Variants in RYR2 observed in about 807,000 individuals in gnomAD.
RYR2 encodes the protein cardiac muscle ryanodine receptor-calcium release channel.
RYR2 carries 227 observed loss-of-function variants against 601.1 expected under a neutral mutation model. That is an observed-to-expected ratio of 0.38 (90% CI 0.34 to 0.42). The LOEUF is 0.42. Among genes scored for constraint, RYR2 ranks in the 10% least tolerant of loss-of-function variants. The pLI, the probability that RYR2 is intolerant of heterozygous loss-of-function variation, is 1.00. For missense variants in RYR2, 4,646 were observed against 6,156.5 expected (o/e 0.75, Z 8.21); for synonymous variants, 2,223 against 2,175.1 (o/e 1.02, Z -0.61).
At chr1:237,178,038 C>G (rs1181046765) in intron 1 of RYR2, among the ~76,000 whole-genome samples, 4 of 152,138 alleles carry the variant, frequency 2.6e-5, no homozygotes, top group Admixed American at 2.0e-4. Flanking sequence ...TCTTTGCCAT[C>G]CTTGATATTG....
chr1:237,551,049 A>G (rs1380046449), intron 27 of RYR2, among the ~76,000 whole-genome samples: 1 of 152,176 alleles, frequency 6.6e-6, no homozygotes, highest in Non-Finnish European at 1.5e-5. Context: ...AGTGGAGGCT[A>G]GTGTTTTACA....
At chr1:237,671,962 G>A (rs549933840) in intron 58 of RYR2, among the ~76,000 whole-genome samples, 1 of 152,248 alleles carries the variant, frequency 6.6e-6, no homozygotes, top group Middle Eastern at 3.4e-3. Flanking sequence ...ATGGGTTCAT[G>A]AGTCCGTGCT....
At chr1:237,720,387 A>G (rs1363494040) in intron 73 of RYR2, among the ~76,000 whole-genome samples, 1 of 152,228 alleles carries the variant, frequency 6.6e-6, no homozygotes, top group African/African-American at 2.4e-5. Flanking sequence ...CCTTTACCAT[A>G]TTCACAATGC....
chr1:237,086,724 A>G (rs1371428449), intron 1 of RYR2, among the ~76,000 whole-genome samples: 1 of 152,108 alleles, frequency 6.6e-6, no homozygotes, highest in African/African-American at 2.4e-5. Context: ...GGACCATATC[A>G]CTTTACTTCG....
In RYR2 at chr1:237,833,160, A is replaced by G. The variant is rs1663993024; in HGVS notation, c.*513A>G. The stretch of plus-strand genomic sequence containing the variant: ...ATGCAGAAGATACGTGCATGAAAAA[A>G]CATCTTTATTTTCTTTATGTCGACC... On this transcript the variant is annotated 3_prime_UTR_variant, in exon 105 of 105. Transcript: ENST00000366574. 1 of 152,114 alleles carries G rather than the reference A, an allele frequency of 6.6e-6. No individual in the cohort carries two copies. The highest frequency in any genetic ancestry group is 2.4e-5 in the African/African-American group (1 of 41,296). 9.4% of individuals were successfully genotyped at this position (152,114 alleles called of 1,614,324 possible). A position where few individuals can be genotyped will look rare whatever the true frequency, so the allele number is the denominator to read the frequency against.
rs1658534348 is a variant in RYR2 at position 237,792,386 on chromosome 1, TGTGTGTGTGTGC to T, written c.13782+75_13782+86del. On this transcript the variant is annotated intron_variant, in intron 94 of 104. Coordinates refer to ENST00000366574, the MANE Select transcript of RYR2 (RefSeq NM_001035.3). Reference sequence around the variant, plus strand: ...GTGTGTGTGTGTGTGTGTGTGCGTGTGTGTGTGTGTGCGTGTGTGTGTGTGTGTGTGTGTGTG... The same window carrying T: ...GTGTGTGTGTGTGTGTGTGTGCGTGTGTGTGTGTGTGTGTGTGTGTGTGTG... 4.0e-5 allele frequency: 33 copies of T among 817,176 alleles called. 2 individuals carry two copies. The highest frequency in any genetic ancestry group is 4.0e-4 in the South Asian group (22 of 54,682). 50.6% of individuals were successfully genotyped at this position (817,176 alleles called of 1,614,324 possible). A position where few individuals can be genotyped will look rare whatever the true frequency, so the allele number is the denominator to read the frequency against.
chr1:237,246,256 C>G (rs763071020), intron 1 of RYR2, among the ~76,000 whole-genome samples: 2 of 151,812 alleles, frequency 1.3e-5, no homozygotes, highest in Non-Finnish European at 2.9e-5. Context: ...CCACCAAGCC[C>G]GGCTAATTTT....
chr1:237,636,876 CAT>C (rs35744083), intron 44 of RYR2, among the ~76,000 whole-genome samples: 65,911 of 151,958 alleles, frequency 0.43, 15,554 homozygotes, highest in Non-Finnish European at 0.54. Context: ...GAATTGCTGA[CAT>C]ATGCTACAGT....
chr1:237,139,595 A>T (rs974919048), intron 1 of RYR2, among the ~76,000 whole-genome samples: 1 of 152,162 alleles, frequency 6.6e-6, no homozygotes, highest in Admixed American at 6.6e-5. Flanking sequence ...GAGAGGAAAG[A>T]TCCTGTTCCT....
intron 29 of RYR2, among the ~76,000 whole-genome samples, chr1:237,578,100 A>G (rs1358527855): frequency 6.6e-6 from 1 of 152,036 alleles, no homozygotes; most frequent in Admixed American, 6.6e-5. Flanking sequence ...GTGAGCCACC[A>G]CACCTGTTCT....
At chr1:237,554,246 G>T (rs1002449027) in intron 27 of RYR2, among the ~76,000 whole-genome samples, 1 of 151,784 alleles carries the variant, frequency 6.6e-6, no homozygotes, top group Non-Finnish European at 1.5e-5. Flanking sequence ...CCCATTTATT[G>T]AACAGATTAT....
intron 56 of RYR2, among the ~76,000 whole-genome samples, chr1:237,664,656 C>T (rs1215594066): frequency 6.6e-6 from 1 of 152,100 alleles, no homozygotes; most frequent in Non-Finnish European, 1.5e-5. Flanking sequence ...GTACCCCCGA[C>T]AATATGAGGG....
chr1:237,506,039 G>A (rs560438722), intron 22 of RYR2, among the ~76,000 whole-genome samples: 3 of 152,228 alleles, frequency 2.0e-5, no homozygotes, highest in Admixed American at 6.5e-5. Flanking sequence ...CCTTTACTCT[G>A]GCTAATGAAT....
At chr1:237,248,644 T>A (rs796593455) in intron 1 of RYR2, among the ~76,000 whole-genome samples, 9 of 152,174 alleles carry the variant, frequency 5.9e-5, no homozygotes, top group African/African-American at 2.2e-4. Context: ...ATTTTTATGA[T>A]GAAGAGACAG....
intron 8 of RYR2, among the ~76,000 whole-genome samples, chr1:237,378,615 G>A (rs1259424066): frequency 6.6e-6 from 1 of 152,220 alleles, no homozygotes; most frequent in East Asian, 1.9e-4. Context: ...CCGGGTTATA[G>A]AAAGTATTTT....
At chr1:237,397,065 G>T (rs1306761877) in intron 10 of RYR2, among the ~76,000 whole-genome samples, 1 of 152,056 alleles carries the variant, frequency 6.6e-6, no homozygotes, top group Non-Finnish European at 1.5e-5. Context: ...AGGAGTTCAA[G>T]ACCAGCCTGG....
chr1:237,744,349 T>A (rs1424265988), intron 80 of RYR2, among the ~76,000 whole-genome samples: 13 of 141,060 alleles, frequency 9.2e-5, no homozygotes, highest in Non-Finnish European at 2.0e-4. Flanking sequence ...TTTGTTTGTT[T>A]AAAAAAAAAA....
intron 1 of RYR2, among the ~76,000 whole-genome samples, chr1:237,260,709 T>C (rs965358158): frequency 2.6e-5 from 4 of 152,236 alleles, no homozygotes; most frequent in Non-Finnish European, 4.4e-5. Context: ...TAATTCTCAA[T>C]GTTTCCAGTC....
intron 17 of RYR2, among the ~76,000 whole-genome samples, chr1:237,485,452 A>T (rs933669359): frequency 9.2e-5 from 14 of 152,206 alleles, no homozygotes; most frequent in African/African-American, 2.7e-4. Flanking sequence ...TGAGAATTTT[A>T]AAAATGTGAA....
Sources: gnomAD v4.1 joint callset for allele counts (sites outside exome capture counted in the v4.1 genomes callset) on GRCh38, gnomAD v4.1.1 for gene constraint, MANE v1.5 for transcripts, NCBI Gene and HGNC (gene_info 2026-07-23, HGNC 2026-07-21) for gene names.